Variants in ECPAS observed in about 807,000 individuals in gnomAD.
ECPAS encodes the protein Ecm29 proteasome adaptor and scaffold.
In ECPAS, 70 loss-of-function variants were observed where a neutral mutation model predicts 255.1. The ratio of observed to expected loss-of-function variants is 0.27; its 90% confidence interval spans 0.23 to 0.33. The LOEUF (loss-of-function observed/expected upper bound fraction) is 0.33, where lower values mean the gene tolerates loss of function less well. ECPAS is among the 10% of genes least tolerant of loss of function. The pLI, the probability that ECPAS is intolerant of heterozygous loss-of-function variation, is 1.00. For missense variants in ECPAS, 1,817 were observed against 2,206.4 expected, an observed-to-expected ratio of 0.82 and a Z score of 3.54; for synonymous variants, 784 against 775.0, an observed-to-expected ratio of 1.01 and a Z score of -0.19.
At chr9:111,375,299 G>T in intron 37 of ECPAS, 97 bp from the exon 38 acceptor site, 1 of 814,100 alleles carries the variant, frequency 1.2e-6, no homozygotes, top group Non-Finnish European at 2.1e-6. Flanking sequence ...GTACCAACTG[G>T]ATTTGACATG....
intron 7 of ECPAS, among the ~76,000 whole-genome samples, 171 bp from the exon 8 acceptor site, chr9:111,433,543 T>C (rs1314344976): frequency 2.6e-5 from 4 of 152,206 alleles, no homozygotes; most frequent in Non-Finnish European, 5.9e-5. Context: ...AGCACATATA[T>C]TCATAATTTC....
rs1291876830 is a variant in ECPAS at position 111,389,976 on chromosome 9, C to T, written c.3279+8G>A. 6 of 1,537,916 alleles carry T rather than the reference C, an allele frequency of 3.9e-6. No homozygotes were observed. The South Asian group carries it at 6.9e-5, about 18-fold the overall frequency. ...AAAATAAATAATTGTCCAGTGATAG[C>T]AACTTACCTTCCTAGAGTTCCACAT... On this transcript the variant is annotated splice_region_variant and intron_variant, in intron 30 of 49. Coordinates refer to ENST00000684092, the MANE Select transcript of ECPAS (RefSeq NM_001364929.1).
At chr9:111,414,823 T>C (rs1244042166) in intron 18 of ECPAS, among the ~76,000 whole-genome samples, 172 bp from the exon 19 acceptor site, 2 of 152,222 alleles carry the variant, frequency 1.3e-5, no homozygotes, top group African/African-American at 4.8e-5. Context: ...ATTTGTATAA[T>C]AAGGTTTGCA....
rs2098210910 is a variant in ECPAS, at chr9:111,420,049, G to A, written c.1527C>T (p.Ser509=). The A allele has an allele frequency of 1.9e-6, 3 of 1,612,482 alleles. No individual in the cohort carries two copies. The highest frequency in any genetic ancestry group is 2.5e-6 in the Non-Finnish European group (3 of 1,179,044). Reference sequence around the variant, plus strand: ...CTGCAGCCAGTAGCAGCAAATATCTGGAAGGGATATGATCTGAGGGAAACA... The same window carrying A: ...CTGCAGCCAGTAGCAGCAAATATCTAGAAGGGATATGATCTGAGGGAAACA... ...STVFPSDHIP[S]RYLLLLAAGD... is the part of the protein sequence containing the mutation. The change falls in exon 16 of 50, where the codon TCC becomes TCT. Residue 509 remains serine (S), a synonymous_variant. Transcript: ENST00000684092.
rs2098285837 is a variant in ECPAS, at chr9:111,470,421, C to T, written c.22+2476G>A. Among the ~76,000 whole-genome samples the T allele has an allele frequency of 3.3e-5, 5 of 152,110 alleles. No individual in the cohort carries two copies. In the South Asian group the frequency reaches 1.0e-3, roughly 31 times the overall value. ...CCCGTCCCGGGTTCAAGTGACTCTC[C>T]TGCCTCAGCCTCCCGAGTAGCGGGG... On this transcript the variant is annotated intron_variant, in intron 2 of 49. Coordinates refer to ENST00000684092, the MANE Select transcript of ECPAS (RefSeq NM_001364929.1).
chr9:111,366,367 A>G (rs760883057), intron 47 of ECPAS, 40 bp from the exon 48 acceptor site: 8 of 1,471,238 alleles, frequency 5.4e-6, no homozygotes, highest in Non-Finnish European at 7.5e-6. Context: ...GCCAATTATT[A>G]AGAAACAGTC....
chr9:111,408,186 C>T (rs138612461), intron 24 of ECPAS, among the ~76,000 whole-genome samples: 1 of 152,300 alleles, frequency 6.6e-6, no homozygotes, highest in Non-Finnish European at 1.5e-5. Flanking sequence ...TTCTCCACTA[C>T]ACACTAGGCA....
At chr9:111,470,258 C>T (rs995620735) in intron 2 of ECPAS, among the ~76,000 whole-genome samples, 3 of 152,130 alleles carry the variant, frequency 2.0e-5, no homozygotes, top group African/African-American at 4.8e-5. Context: ...GCATCTGGAT[C>T]TACTACAGGC....
chr9:111,386,363 C>T lies in ECPAS; in HGVS notation c.3527+14G>A. The T allele has an allele frequency of 1.3e-6, 2 of 1,522,448 alleles. No homozygotes were observed. Among genetic ancestry groups the T allele is most frequent in the East Asian group, 4.5e-5 (2 of 44,422 alleles). 94.3% of individuals were successfully genotyped at this position (1,522,448 alleles called of 1,614,324 possible). A position where few individuals can be genotyped will look rare whatever the true frequency, so the allele number is the denominator to read the frequency against. ...AGTTTTATTTGACTAAACTTATATT[C>T]CTAAAAACGGTACCTGGATTCTCGA... On this transcript the variant is annotated intron_variant, in intron 32 of 49. Coordinates refer to ENST00000684092, the MANE Select transcript of ECPAS (RefSeq NM_001364929.1).
chr9:111,372,707 A>T, intron 41 of ECPAS, 87 bp from the exon 42 acceptor site: 4 of 1,020,416 alleles, frequency 3.9e-6, no homozygotes, highest in Non-Finnish European at 5.6e-6. Flanking sequence ...CTCATATAAT[A>T]GCAAAACAAA....
intron 1 of ECPAS, chr9:111,483,678 CCCG>C (rs887146688): frequency 3.7e-4 from 62 of 168,796 alleles, no homozygotes; most frequent in Non-Finnish European, 5.1e-4. Flanking sequence ...CCGAGGCCCG[CCCG>C]CCGCCGCCGC....
intron 24 of ECPAS, among the ~76,000 whole-genome samples, chr9:111,401,160 C>T (rs1013340626): frequency 9.9e-5 from 15 of 152,240 alleles, no homozygotes; most frequent in African/African-American, 3.4e-4. Flanking sequence ...ACTGAGAATA[C>T]TGTACCCAGC....
intron 3 of ECPAS, among the ~76,000 whole-genome samples, chr9:111,448,986 C>G (rs879304109): frequency 5.9e-5 from 9 of 151,962 alleles, no homozygotes; most frequent in Non-Finnish European, 1.0e-4. Flanking sequence ...ACCAAGCTTA[C>G]CTTTTGAAGT....
Position 111,385,328 on chromosome 9 carries a change from C to A in ECPAS, c.3633+9G>T, listed in dbSNP as rs2098146489. On this transcript the variant is annotated intron_variant, in intron 33 of 49. Transcript: ENST00000684092. Reference sequence around the variant, plus strand: ...TGTATATATAAATGCTGATTTATTTCTATAATACCTTGATATCATCTTGTA... The same window carrying A: ...TGTATATATAAATGCTGATTTATTTATATAATACCTTGATATCATCTTGTA... The A allele has an allele frequency of 1.6e-6, 2 of 1,277,310 alleles. No individual in the cohort carries two copies. The highest frequency in any genetic ancestry group is 2.2e-6 in the Non-Finnish European group (2 of 909,594). The allele number at this position is 1,277,310 out of a possible 1,614,324, so 79.1% of individuals were successfully genotyped here.
chr9:111,373,521 G>T, intron 39 of ECPAS, 115 bp from the exon 40 acceptor site: 1 of 769,392 alleles, frequency 1.3e-6, no homozygotes, highest in Non-Finnish European at 2.2e-6. Context: ...CTCCACAGTA[G>T]TTTAGATTTC....
chr9:111,392,050 C>G (rs187001965), intron 28 of ECPAS, among the ~76,000 whole-genome samples: 7 of 152,228 alleles, frequency 4.6e-5, no homozygotes, highest in Admixed American at 3.9e-4. Flanking sequence ...GCTATTCTGA[C>G]TAACATGGTG....
intron 24 of ECPAS, among the ~76,000 whole-genome samples, chr9:111,399,302 G>A (rs1427172409): frequency 6.6e-6 from 1 of 152,166 alleles, no homozygotes; most frequent in African/African-American, 2.4e-5. Flanking sequence ...AATCAGGTGA[G>A]ACATCACAGT....
At chr9:111,477,365 G>A (rs1589244751) in intron 1 of ECPAS, among the ~76,000 whole-genome samples, 2 of 152,136 alleles carry the variant, frequency 1.3e-5, no homozygotes, top group Admixed American at 1.3e-4. Flanking sequence ...CCCAGCCTCG[G>A]CCTCCCAGAG....
chr9:111,394,061 T>C, intron 26 of ECPAS, 99 bp downstream of exon 26: 6 of 1,145,848 alleles, frequency 5.2e-6, no homozygotes, highest in Non-Finnish European at 7.2e-6. Flanking sequence ...TATTTCAAAA[T>C]ACCTACTATT....
Sources: gnomAD v4.1 joint callset for allele counts (sites outside exome capture counted in the v4.1 genomes callset) on GRCh38, gnomAD v4.1.1 for gene constraint, MANE v1.5 for transcripts, NCBI Gene and HGNC (gene_info 2026-07-23, HGNC 2026-07-21) for gene names.